The following ZFYVE28 variants were observed in gnomAD, a reference collection of about 807,000 sequenced individuals.
ZFYVE28 encodes lateral signaling target protein 2 homolog.
A neutral mutation model predicts 82.1 loss-of-function variants in ZFYVE28; 40 were observed. That is an observed-to-expected ratio of 0.49 (90% CI 0.38 to 0.63). The LOEUF is 0.63. Among genes scored for constraint, ZFYVE28 ranks in the 30% least tolerant of loss-of-function variants. The probability of loss-of-function intolerance (pLI) is 0.00; values close to 1 mark genes in which losing one functional copy is unlikely to be tolerated. For missense variants in ZFYVE28, 1,321 were observed against 1,242.1 expected, an observed-to-expected ratio of 1.06 and a Z score of -0.96; for synonymous variants, 612 against 546.1, an observed-to-expected ratio of 1.12 and a Z score of -1.68.
intron 1 of ZFYVE28, among the ~76,000 whole-genome samples, chr4:2,388,884 C>T (rs938883290): frequency 2.6e-5 from 4 of 152,134 alleles, no homozygotes; most frequent in African/African-American, 9.7e-5. Context: ...AATTTCAACC[C>T]GAAATCTAGG....
In ZFYVE28 at chr4:2,337,477, G is replaced by C; in HGVS notation, c.541C>G (p.Pro181Ala). The change falls in exon 5 of 13, where the codon CCT becomes GCT. Residue 181 changes from proline to alanine, a missense_variant. Transcript: ENST00000290974. ...FELSYVSAMV[P>A]VKSPREYYVQ... ...TAGTACTCCCTGGGGGACTTCACAG[G>C]CACCATGGCCGAGACGTAGCTGCAA... The C allele has an allele frequency of 6.2e-7, 1 of 1,608,852 alleles. No homozygotes were observed. Among genetic ancestry groups the C allele is most frequent in the Non-Finnish European group, 8.5e-7 (1 of 1,177,338 alleles).
chr4:2,337,516 T>A lies in ZFYVE28; in HGVS notation c.522-20A>T, dbSNP rs201176986. 3 of 1,583,158 alleles carry A rather than the reference T, an allele frequency of 1.9e-6. No homozygotes were observed. Among genetic ancestry groups the A allele is most frequent in the Non-Finnish European group, 2.6e-6 (3 of 1,162,898 alleles). ...ACGTAGCTGCAAACACATGGAGACCTGTGAGGCCGCACCTGGGCTGTGGCG... is the reference window on the plus strand; with the variant it reads ...ACGTAGCTGCAAACACATGGAGACCAGTGAGGCCGCACCTGGGCTGTGGCG... On this transcript the variant is annotated intron_variant, in intron 4 of 12. Coordinates refer to ENST00000290974, the MANE Select transcript of ZFYVE28 (RefSeq NM_020972.3).
chr4:2,310,298 CA>C (rs1190564934), intron 7 of ZFYVE28, among the ~76,000 whole-genome samples: 1 of 152,178 alleles, frequency 6.6e-6, no homozygotes, highest in Non-Finnish European at 1.5e-5. Context: ...CTCAGCCTTC[CA>C]AAGTCCTGGG....
intron 1 of ZFYVE28, among the ~76,000 whole-genome samples, chr4:2,410,207 G>A (rs1006089761): frequency 3.9e-5 from 6 of 152,014 alleles, no homozygotes; most frequent in East Asian, 1.9e-4. Flanking sequence ...CTCTTGCTGC[G>A]TCAAAACCTT....
intron 1 of ZFYVE28, among the ~76,000 whole-genome samples, chr4:2,402,013 G>T (rs1349650195): frequency 3.9e-5 from 6 of 152,352 alleles, no homozygotes; most frequent in Non-Finnish European, 7.3e-5. Context: ...GCTTTGTCAT[G>T]CTGCAGTCTC....
chr4:2,271,588 C>A, intron 11 of ZFYVE28, 87 bp downstream of exon 11: 1 of 1,488,886 alleles, frequency 6.7e-7, no homozygotes, highest in Non-Finnish European at 9.3e-7. Flanking sequence ...TGGCCTGCAG[C>A]CCCTCCCCCA....
intron 5 of ZFYVE28, among the ~76,000 whole-genome samples, chr4:2,336,837 T>G (rs1578148795): frequency 9.9e-5 from 9 of 90,998 alleles, no homozygotes; most frequent in South Asian, 3.5e-4. Flanking sequence ...AGGTGAGGAG[T>G]GAGGAGGTGA....
chr4:2,293,752 CAA>C (rs71644322), intron 8 of ZFYVE28, among the ~76,000 whole-genome samples: 3 of 83,926 alleles, frequency 3.6e-5, no homozygotes, highest in African/African-American at 5.9e-5. Flanking sequence ...GACTCCATCT[CAA>C]AAAAAAAAAA....
chr4:2,310,574 C>T (rs1717336288), intron 7 of ZFYVE28, among the ~76,000 whole-genome samples: 1 of 152,078 alleles, frequency 6.6e-6, no homozygotes, highest in South Asian at 2.1e-4. Flanking sequence ...GAGGCCAAGG[C>T]AGTCAGATTG....
At chr4:2,293,013 C>T (rs1243232015) in intron 8 of ZFYVE28, among the ~76,000 whole-genome samples, 1 of 151,660 alleles carries the variant, frequency 6.6e-6, no homozygotes, top group Non-Finnish European at 1.5e-5. Flanking sequence ...TGACTTATTA[C>T]ATTAATAGGC....
In ZFYVE28 at chr4:2,406,061, A is replaced by AAAG. The variant is rs1553867814; in HGVS notation, c.39+12223_39+12224insCTT. Among the ~76,000 whole-genome samples the AAAG allele has an allele frequency of 8.7e-5, 10 of 114,372 alleles. No homozygotes were observed. The East Asian group carries it at 2.3e-3, about 26-fold the overall frequency. 75.0% of individuals were successfully genotyped at this position (114,372 alleles called of 152,430 possible). A position where few individuals can be genotyped will look rare whatever the true frequency, so the allele number is the denominator to read the frequency against. ...GGATTCTGTCTCAAAAAAAAAAAAA[A>AAAG]AAAAGAAAGAAAGAAAGGAAAGAAA... On this transcript the variant is annotated intron_variant, in intron 1 of 12. Coordinates refer to ENST00000290974, the MANE Select transcript of ZFYVE28 (RefSeq NM_020972.3).
intron 8 of ZFYVE28, 128 bp downstream of exon 8, chr4:2,304,161 A>AC: frequency 8.2e-7 from 1 of 1,218,904 alleles, no homozygotes; most frequent in Non-Finnish European, 1.1e-6. Context: ...ACACTCGGCC[A>AC]GGGCCCAGCA....
intron 1 of ZFYVE28, among the ~76,000 whole-genome samples, chr4:2,398,264 A>G (rs962238086): frequency 3.3e-5 from 5 of 152,074 alleles, no homozygotes; most frequent in Non-Finnish European, 1.5e-5. Flanking sequence ...GCCATTGGTG[A>G]CCCGATGGGT....
At chr4:2,323,643 T>C (rs985180497) in intron 6 of ZFYVE28, among the ~76,000 whole-genome samples, 1 of 151,354 alleles carries the variant, frequency 6.6e-6, no homozygotes, top group Non-Finnish European at 1.5e-5. Context: ...GCTGCACCCA[T>C]TAACTCGTCA....
At chr4:2,297,750 G>C (rs56131230) in intron 8 of ZFYVE28, among the ~76,000 whole-genome samples, 2 of 151,464 alleles carry the variant, frequency 1.3e-5, no homozygotes, top group African/African-American at 4.8e-5. Flanking sequence ...AGCAGTGACA[G>C]TGGGATGACA....
intron 6 of ZFYVE28, among the ~76,000 whole-genome samples, chr4:2,321,691 G>C (rs937271857): frequency 2.6e-5 from 4 of 152,128 alleles, no homozygotes; most frequent in African/African-American, 7.2e-5. Flanking sequence ...AGCAGGGAAG[G>C]GGGCAGCCCT....
At chr4:2,349,982 T>G (rs1231945443) in intron 2 of ZFYVE28, among the ~76,000 whole-genome samples, 2 of 151,650 alleles carry the variant, frequency 1.3e-5, no homozygotes, top group African/African-American at 4.8e-5. Context: ...CTCTCACCAC[T>G]TCTATTCAAC....
chr4:2,373,658 G>C (rs1727806660), intron 1 of ZFYVE28, among the ~76,000 whole-genome samples: 1 of 152,142 alleles, frequency 6.6e-6, no homozygotes, highest in South Asian at 2.1e-4. Flanking sequence ...TCAAGCAGGG[G>C]CTCTAGAACC....
chr4:2,273,544 A>T (rs565046016), intron 9 of ZFYVE28, among the ~76,000 whole-genome samples: 17 of 152,330 alleles, frequency 1.1e-4, no homozygotes, highest in East Asian at 3.9e-4. Flanking sequence ...TCTGCCGCTG[A>T]CATTCACACC....
Sources: gnomAD v4.1 joint callset for allele counts (sites outside exome capture counted in the v4.1 genomes callset) on GRCh38, gnomAD v4.1.1 for gene constraint, MANE v1.5 for transcripts, NCBI Gene and HGNC (gene_info 2026-07-23, HGNC 2026-07-21) for gene names.